Variants in MRPL4 observed in about 807,000 individuals in gnomAD.
The protein encoded by MRPL4 is large ribosomal subunit protein uL4m.
In MRPL4, 34 loss-of-function variants were observed where a neutral mutation model predicts 34.1. The ratio of observed to expected loss-of-function variants is 1.00; its 90% CI spans 0.76 to 1.33. The LOEUF is 1.33. Ranked by LOEUF, MRPL4 falls within the 40% of genes most tolerant of loss-of-function variation. MRPL4 has a pLI of 0.00. For missense variants in MRPL4, 402 were observed against 434.6 expected (o/e 0.92, Z 0.67); for synonymous variants, 196 against 188.3 (o/e 1.04, Z -0.33).
At position 10,259,666 on chromosome 19, in the gene MRPL4, G is replaced by A. The variant is rs2039892379; in HGVS notation, c.789G>A (p.Leu263=). 6.2e-7 allele frequency: 1 copy of A among 1,602,282 alleles called. No individual in the cohort carries two copies. Among genetic ancestry groups the A allele is most frequent in the Admixed American group, 1.7e-5 (1 of 57,632 alleles). Residue 263 remains leucine, a synonymous_variant, in exon 9 of 9, where the codon CTG becomes CTA. Transcript: ENST00000253099. ...MLKHQTLVLT[L]PTVAFLEDKL... ...AGCACCAGACGCTGGTCCTGACGCT[G>A]CCCACCGTCGCCTTCCTGGAGGACA...
Position 10,258,339 on chromosome 19 carries a change from G to T in MRPL4, c.552+11G>T, listed in dbSNP as rs756609741. 2.0e-5 allele frequency: 33 copies of T among 1,613,348 alleles called. No homozygotes were observed. The highest frequency in any genetic ancestry group is 8.3e-5 in the Admixed American group (5 of 59,962). ...GTCAAGCTGGCCCAGGTACAGCCAT[G>T]GGGGGGCCCAGACAGCTGCTAGAGG... On this transcript the variant is annotated intron_variant, in intron 6 of 8. Transcript: ENST00000253099.
intron 8 of MRPL4, 43 bp downstream of exon 8, chr19:10,258,728 T>C: frequency 6.2e-7 from 1 of 1,613,988 alleles, no homozygotes; most frequent in Non-Finnish European, 8.5e-7. Context: ...ATGTGCAGGC[T>C]CCGCTGTTAG....
At chr19:10,259,285 G>T (rs1484448147) in intron 8 of MRPL4, 3 of 1,377,356 alleles carry the variant, frequency 2.2e-6, no homozygotes, top group South Asian at 1.8e-5. Flanking sequence ...GGCACGTCAG[G>T]CCCTGCACGA....
In MRPL4 at chr19:10,259,699, C is replaced by T; in HGVS notation, c.822C>T (p.Leu274=). Residue 274 remains leucine (L), a synonymous_variant, in exon 9 of 9, where the codon CTC becomes CTT. Transcript: ENST00000253099. The part of the protein sequence containing the change: ...PTVAFLEDKL[L]WQDSRYRPLY... ...TCGCCTTCCTGGAGGACAAGCTGCT[C>T]TGGCAGGACTCACGTTACAGACCCC... 12 of 1,613,780 alleles carry T rather than the reference C, an allele frequency of 7.4e-6. No individual in the cohort carries two copies. The highest frequency in any genetic ancestry group is 1.0e-5 in the Non-Finnish European group (12 of 1,179,948).
chr19:10,257,429 C>A (rs76560514), intron 5 of MRPL4, among the ~76,000 whole-genome samples: 6,142 of 152,276 alleles, frequency 0.04, 200 homozygotes, highest in Middle Eastern at 0.068. Context: ...GGCCACACCT[C>A]CTCCAGGAAG....
In MRPL4 at chr19:10,256,812, G is replaced by T. The variant is rs540861306; in HGVS notation, c.432G>T (p.Pro144=). Residue 144 remains proline (P), a synonymous_variant, in exon 5 of 9, where the codon CCG becomes CCT. Coordinates refer to ENST00000253099, the MANE Select transcript of MRPL4 (RefSeq NM_015956.3). ...CCCGGCATGGCAGCATCCGCTCTCC[G>T]CTCTGGCGAGGAGGTAACAGGACAG... ...GRARHGSIRS[P]LWRGGGVAHG... is the part of the protein sequence containing the mutation. The T allele has an allele frequency of 2.0e-6, 3 of 1,518,186 alleles. No individual in the cohort carries two copies. Among genetic ancestry groups the T allele is most frequent in the Middle Eastern group, 1.7e-4 (1 of 5,718 alleles). The allele number at this position is 1,518,186 out of a possible 1,614,324, so 94.0% of individuals were successfully genotyped here.
At chr19:10,252,872 G>T in intron 3 of MRPL4, 171 bp downstream of exon 3, 1 of 1,017,312 alleles carries the variant, frequency 9.8e-7, no homozygotes, top group Non-Finnish European at 1.4e-6. Flanking sequence ...GTAGCGCTGT[G>T]TGAGATTGAA....
intron 4 of MRPL4, 58 bp downstream of exon 4, chr19:10,254,698 A>G (rs1332415968): frequency 1.3e-6 from 2 of 1,589,390 alleles, no homozygotes; most frequent in South Asian, 2.2e-5. Context: ...GGTTGGGGAT[A>G]GGACCCAGAG....
chr19:10,259,168 A>G (rs1020761958), intron 8 of MRPL4: 2 of 1,232,368 alleles, frequency 1.6e-6, no homozygotes, highest in African/African-American at 3.3e-5. Context: ...TGTTCCTTCC[A>G]CAGCCACAAG....
intron 4 of MRPL4, among the ~76,000 whole-genome samples, chr19:10,256,137 T>A (rs1599252317): frequency 6.6e-6 from 1 of 151,978 alleles, no homozygotes; most frequent in Non-Finnish European, 1.5e-5. Context: ...AATACAAATA[T>A]TAGTTGGGTG....
intron 8 of MRPL4, chr19:10,259,079 G>A: frequency 3.2e-6 from 4 of 1,251,190 alleles, no homozygotes; most frequent in Non-Finnish European, 4.0e-6. Context: ...AACCTGGGGA[G>A]AGAGCTAGAC....
In MRPL4 at chr19:10,258,404, T is replaced by G. The variant is rs2039872106; in HGVS notation, c.553-9T>G. 6.2e-7 allele frequency: 1 copy of G among 1,613,756 alleles called. No individual in the cohort carries two copies. Among genetic ancestry groups the G allele is most frequent in the Non-Finnish European group, 8.5e-7 (1 of 1,179,962 alleles). On this transcript the variant is annotated splice_polypyrimidine_tract_variant and intron_variant, in intron 6 of 8. Transcript: ENST00000253099. Reference sequence around the variant, plus strand: ...ACCCAGGGTTCAAACCATCCTTTCCTTCCACCAGGACGACCTGCACATCAT... The same window carrying G: ...ACCCAGGGTTCAAACCATCCTTTCCGTCCACCAGGACGACCTGCACATCAT...
At chr19:10,259,166 C>G in intron 8 of MRPL4, 1 of 1,262,040 alleles carries the variant, frequency 7.9e-7, no homozygotes, top group South Asian at 2.7e-5. Flanking sequence ...TCTGTTCCTT[C>G]CACAGCCACA....
intron 8 of MRPL4, chr19:10,259,367 C>T: frequency 7.2e-7 from 1 of 1,388,372 alleles, no homozygotes; most frequent in Non-Finnish European, 9.3e-7. Context: ...AGCCAGGAGT[C>T]CCAGCCAGGC....
intron 5 of MRPL4, 41 bp downstream of exon 5, chr19:10,256,866 G>GGGGGGGGGGGCC: frequency 2.6e-6 from 1 of 378,384 alleles, no homozygotes; most frequent in Non-Finnish European, 5.0e-6. Context: ...GGGTGGGGGG[G>GGGGGGGGGGGCC]CCAGGGAAGG....
Position 10,258,345 on chromosome 19 carries a change from G to GA in MRPL4, c.552+17_552+18insA. ...CTGGCCCAGGTACAGCCATGGGGGGGCCCAGACAGCTGCTAGAGGTGGGGC... is the reference window on the plus strand; with the variant it reads ...CTGGCCCAGGTACAGCCATGGGGGGGACCCAGACAGCTGCTAGAGGTGGGGC... On this transcript the variant is annotated intron_variant, in intron 6 of 8. Transcript: ENST00000253099. The GA allele has an allele frequency of 6.2e-7, 1 of 1,613,822 alleles. No homozygotes were observed. The highest frequency in any genetic ancestry group is 1.1e-5 in the South Asian group (1 of 91,088).
Position 10,259,949 on chromosome 19 carries a change from T to G in MRPL4, c.*136T>G. 1 of 742,870 alleles carries G rather than the reference T, an allele frequency of 1.3e-6. No homozygotes were observed. Among genetic ancestry groups the G allele is most frequent in the Non-Finnish European group, 2.1e-6 (1 of 487,746 alleles). The allele number at this position is 742,870 out of a possible 1,614,324, so 46.0% of individuals were successfully genotyped here. A position where few individuals can be genotyped will look rare whatever the true frequency, so the allele number is the denominator to read the frequency against. The stretch of plus-strand genomic sequence containing the variant: ...AAGCTGAGGCCACAGGGAGCGGCCA[T>G]CGCCATTGGGAAGGGGCGACTCCAC... On this transcript the variant is annotated 3_prime_UTR_variant, in exon 9 of 9. Coordinates refer to ENST00000253099, the MANE Select transcript of MRPL4 (RefSeq NM_015956.3).
intron 5 of MRPL4, 147 bp downstream of exon 5, chr19:10,256,972 A>G (rs1454231189): frequency 3.2e-6 from 2 of 623,366 alleles, no homozygotes; most frequent in African/African-American, 2.0e-5. Flanking sequence ...GGCTGGTGAC[A>G]TCGGAACTGA....
At chr19:10,259,122 AAAAG>A in intron 8 of MRPL4, 1 of 1,283,582 alleles carries the variant, frequency 7.8e-7, no homozygotes, top group Non-Finnish European at 9.8e-7. Context: ...AAAAAAAAAA[AAAAG>A]CTCCAAAGTC....
Sources: allele counts gnomAD v4.1 joint callset (sites outside exome capture counted in the v4.1 genomes callset), GRCh38; gene constraint gnomAD v4.1.1; transcripts MANE v1.5; gene names NCBI Gene and HGNC (gene_info 2026-07-23, HGNC 2026-07-21).